The following TMTC1 variants were observed in gnomAD, a reference collection of about 807,000 sequenced individuals.
TMTC1 encodes protein O-mannosyl-transferase TMTC1.
In TMTC1, 73 loss-of-function variants were observed where a neutral mutation model predicts 104.8. The ratio of observed to expected loss-of-function variants is 0.70; its 90% CI spans 0.58 to 0.85. TMTC1 has a LOEUF of 0.85. Ranked by LOEUF, TMTC1 falls within the 40% of genes least tolerant of loss-of-function variation. TMTC1 has a pLI of 0.00. For missense variants in TMTC1, 1,035 were observed against 1,096.1 expected, an observed-to-expected ratio of 0.94 and a Z score of 0.79; for synonymous variants, 434 against 428.7, an observed-to-expected ratio of 1.01 and a Z score of -0.15.
intron 5 of TMTC1, among the ~76,000 whole-genome samples, chr12:29,704,816 A>G (rs1428425975): frequency 1.3e-5 from 2 of 152,236 alleles, no homozygotes; most frequent in Non-Finnish European, 2.9e-5. Flanking sequence ...ACAGTCTATA[A>G]GGAGGAAGGT....
intron 5 of TMTC1, among the ~76,000 whole-genome samples, chr12:29,643,330 G>C (rs1260077303): frequency 6.8e-6 from 1 of 146,404 alleles, no homozygotes; most frequent in African/African-American, 2.6e-5. Flanking sequence ...ATTCGAAAAA[G>C]ATACTTGCAC....
intron 6 of TMTC1, among the ~76,000 whole-genome samples, chr12:29,622,337 G>A (rs988200817): frequency 6.6e-6 from 1 of 152,178 alleles, no homozygotes; most frequent in Non-Finnish European, 1.5e-5. Context: ...TGTTTCCTCT[G>A]TAATGCAGGG....
At chr12:29,691,012 C>T (rs1453973241) in intron 5 of TMTC1, among the ~76,000 whole-genome samples, 1 of 152,192 alleles carries the variant, frequency 6.6e-6, no homozygotes, top group Non-Finnish European at 1.5e-5. Flanking sequence ...CATAGTTTGA[C>T]TCTGAAACAA....
intron 9 of TMTC1, among the ~76,000 whole-genome samples, chr12:29,562,700 T>G (rs1487771104): frequency 6.6e-6 from 1 of 152,198 alleles, no homozygotes; most frequent in African/African-American, 2.4e-5. Flanking sequence ...TTGCTTTCTT[T>G]AAAAACGTAA....
intron 5 of TMTC1, among the ~76,000 whole-genome samples, chr12:29,741,166 T>G (rs1942814974): frequency 6.6e-6 from 1 of 152,210 alleles, no homozygotes; most frequent in Non-Finnish European, 1.5e-5. Flanking sequence ...AATATTGACA[T>G]TTTCCATCAT....
intron 1 of TMTC1, 97 bp from the exon 2 acceptor site, chr12:29,768,172 C>T: frequency 1.1e-6 from 1 of 915,210 alleles, no homozygotes; most frequent in Non-Finnish European, 1.6e-6. Context: ...AAAAGATAAG[C>T]TATTAGATTA....
At chr12:29,603,821 T>C (rs1324747597) in intron 7 of TMTC1, among the ~76,000 whole-genome samples, 1 of 152,208 alleles carries the variant, frequency 6.6e-6, no homozygotes, top group Non-Finnish European at 1.5e-5. Context: ...ACATAATACT[T>C]TTATGCAAGT....
At chr12:29,731,607 T>C (rs1269208793) in intron 5 of TMTC1, among the ~76,000 whole-genome samples, 1 of 151,950 alleles carries the variant, frequency 6.6e-6, no homozygotes, top group South Asian at 2.1e-4. Context: ...ACCTTGGCAA[T>C]GACCATGAGC....
chr12:29,784,083 C>A (rs575598247), upstream of TMTC1, among the ~76,000 whole-genome samples: 2 of 151,602 alleles, frequency 1.3e-5, no homozygotes, highest in East Asian at 3.9e-4. Flanking sequence ...GCCCCCGGCC[C>A]GCCTTGCTTG....
At chr12:29,756,716 C>G (rs1437609247) in intron 3 of TMTC1, among the ~76,000 whole-genome samples, 1 of 152,138 alleles carries the variant, frequency 6.6e-6, no homozygotes, top group East Asian at 1.9e-4. Flanking sequence ...CAACAGGTAC[C>G]ACACCTATTG....
chr12:29,515,234 G>T (rs973862645), intron 15 of TMTC1, among the ~76,000 whole-genome samples: 1 of 151,982 alleles, frequency 6.6e-6, no homozygotes, highest in African/African-American at 2.4e-5. Context: ...CACCCCACCA[G>T]CCCCTCTCAG....
At chr12:29,674,590 G>C (rs567601514) in intron 5 of TMTC1, among the ~76,000 whole-genome samples, 2 of 152,320 alleles carry the variant, frequency 1.3e-5, no homozygotes, top group South Asian at 4.1e-4. Context: ...TCTTCTTGCT[G>C]ACGGGACTCC....
At chr12:29,758,824 C>A in intron 2 of TMTC1, 47 bp from the exon 3 acceptor site, 1 of 1,485,904 alleles carries the variant, frequency 6.7e-7, no homozygotes, top group Non-Finnish European at 9.1e-7. Context: ...CAATTACTTT[C>A]AGAAAACTAT....
chr12:29,776,395 G>A (rs1390354584), intron 1 of TMTC1, among the ~76,000 whole-genome samples: 1 of 152,112 alleles, frequency 6.6e-6, no homozygotes, highest in Non-Finnish European at 1.5e-5. Context: ...GAAATTCCTA[G>A]TCTGCCTCCA....
At chr12:29,567,085 A>G (rs924335779) in intron 9 of TMTC1, among the ~76,000 whole-genome samples, 2 of 152,034 alleles carry the variant, frequency 1.3e-5, no homozygotes, top group Admixed American at 1.3e-4. Context: ...CATTCATGAC[A>G]CCTCTAAGGG....
rs187170250 is a variant in TMTC1, at chr12:29,692,154, T to C, written c.939-58818A>G. ...TTCCCCACTGATAACATTACAAGAA[T>C]ATGCTTTGGCTTTCCAAACAATACA... On this transcript the variant is annotated intron_variant, in intron 5 of 17. Transcript: ENST00000539277. Among the ~76,000 whole-genome samples, 85 of 145,784 alleles carry C rather than the reference T, an allele frequency of 5.8e-4. 12 individuals are homozygous for C. Among genetic ancestry groups the C allele is most frequent in the African/African-American group, 2.1e-3 (83 of 39,936 alleles).
chr12:29,627,778 G>A (rs1245490984), intron 6 of TMTC1, among the ~76,000 whole-genome samples: 1 of 151,226 alleles, frequency 6.6e-6, no homozygotes, highest in African/African-American at 2.4e-5. Flanking sequence ...ATATGCTAAA[G>A]GTATTAAAAT....
At chr12:29,548,157 G>C (rs1296373238) in intron 10 of TMTC1, among the ~76,000 whole-genome samples, 2 of 152,138 alleles carry the variant, frequency 1.3e-5, no homozygotes, top group Non-Finnish European at 2.9e-5. Context: ...GGACTGGAGA[G>C]AATTTGAAGA....
intron 5 of TMTC1, among the ~76,000 whole-genome samples, chr12:29,727,120 C>T (rs1942414633): frequency 6.6e-6 from 1 of 152,204 alleles, no homozygotes; most frequent in African/African-American, 2.4e-5. Context: ...CTCAGCTTCT[C>T]TGTATTTGGT....
Sources: gnomAD v4.1 joint callset for allele counts (sites outside exome capture counted in the v4.1 genomes callset) on GRCh38, gnomAD v4.1.1 for gene constraint, MANE v1.5 for transcripts, NCBI Gene and HGNC (gene_info 2026-07-23, HGNC 2026-07-21) for gene names.